ZFHX4: variants seen among roughly 807,000 people sequenced by gnomAD.
ZFHX4 encodes the protein zinc finger homeobox protein 4.
Under a neutral mutation model 267.6 loss-of-function variants are expected in ZFHX4, and 56 were observed. The ratio of observed to expected loss-of-function variants is 0.21; its 90% CI spans 0.17 to 0.26. ZFHX4 has a LOEUF of 0.26. Among genes scored for constraint, ZFHX4 ranks in the 10% least tolerant of loss-of-function variants. The probability of loss-of-function intolerance (pLI) is 1.00; values close to 1 mark genes in which losing one functional copy is unlikely to be tolerated. For synonymous variants in ZFHX4, 1,778 were observed against 1,665.6 expected (o/e 1.07, Z -1.64); for missense variants, 4,332 against 4,420.0 (o/e 0.98, Z 0.56).
At chr8:76,701,312 G>A (rs4735739) in intron 1 of ZFHX4, among the ~76,000 whole-genome samples, 6,460 of 152,092 alleles carry the variant, frequency 0.042, 310 homozygotes, top group East Asian at 0.24. Flanking sequence ...TAGAAGACAG[G>A]TATTTGACTT....
chr8:76,849,586 C>T lies in ZFHX4; in HGVS notation c.3720C>T (p.His1240=). The change falls in exon 8 of 11, where the codon CAC becomes CAT. Residue 1240 remains histidine, a synonymous_variant. Transcript: ENST00000651372. ...TCCAGATGCACGTCCTATCACAGCA[C>T]TCGGTGCAGCCGGTCATCTGCTGTC... ...SRIQMHVLSQ[H]SVQPVICCPL... is the part of the protein sequence containing the mutation. 1 of 1,613,980 alleles carries T rather than the reference C, an allele frequency of 6.2e-7. No individual in the cohort carries two copies. Among genetic ancestry groups the T allele is most frequent in the Non-Finnish European group, 8.5e-7 (1 of 1,179,874 alleles).
chr8:76,694,697 C>G (rs1220336545), intron 1 of ZFHX4, among the ~76,000 whole-genome samples: 2 of 122,800 alleles, frequency 1.6e-5, no homozygotes, highest in Non-Finnish European at 3.4e-5. Context: ...CTCCCGCCCC[C>G]GCCTCTGCCC....
chr8:76,855,610 G>C lies in ZFHX4; in HGVS notation c.8689G>C (p.Asp2897His). The part of the protein sequence containing the change: ...YITDDPDDNA[D>H]RSETSSIADP... Reference sequence around the variant, plus strand: ...CACAGATGACCCGGATGACAACGCCGACCGCAGCGAAACGTCCAGCATAGC... The same window carrying C: ...CACAGATGACCCGGATGACAACGCCCACCGCAGCGAAACGTCCAGCATAGC... Residue 2897 changes from aspartate (D) to histidine (H), a missense_variant, in exon 10 of 11, where the codon GAC becomes CAC. By Grantham distance (81) the Asp-to-His change is moderately conservative. This residue lies in a region of ZFHX4 where 1,648 missense variants were observed against 1,625.0 expected (regional missense o/e 1.01). Coordinates refer to ENST00000651372, the MANE Select transcript of ZFHX4 (RefSeq NM_024721.5). The C allele has an allele frequency of 6.2e-7, 1 of 1,613,698 alleles. No individual in the cohort carries two copies. Among genetic ancestry groups the C allele is most frequent in the East Asian group, 2.2e-5 (1 of 44,830 alleles).
intron 3 of ZFHX4, among the ~76,000 whole-genome samples, chr8:76,747,505 T>C (rs1809490967): frequency 6.6e-6 from 1 of 152,208 alleles, no homozygotes; most frequent in South Asian, 2.1e-4. Flanking sequence ...CCTAAATTTC[T>C]TGATTAAGGC....
chr8:76,844,523 G>T (rs1179765087), intron 6 of ZFHX4, among the ~76,000 whole-genome samples: 1 of 152,076 alleles, frequency 6.6e-6, no homozygotes, highest in African/African-American at 2.4e-5. Flanking sequence ...TAGCACAGAT[G>T]CCAAGGCTCT....
chr8:76,750,109 C>T (rs1225032087), intron 3 of ZFHX4, among the ~76,000 whole-genome samples: 1 of 152,072 alleles, frequency 6.6e-6, no homozygotes, highest in Non-Finnish European at 1.5e-5. Flanking sequence ...TGTTCTTAGG[C>T]TGTGTTGTTT....
chr8:76,753,519 A>C (rs1809677924), intron 3 of ZFHX4, among the ~76,000 whole-genome samples: 1 of 151,864 alleles, frequency 6.6e-6, no homozygotes, highest in Non-Finnish European at 1.5e-5. Flanking sequence ...CTTTTGCTAC[A>C]TCTCTCTGCC....
intron 3 of ZFHX4, among the ~76,000 whole-genome samples, chr8:76,734,317 A>G (rs1809101463): frequency 6.6e-6 from 1 of 152,174 alleles, no homozygotes; most frequent in East Asian, 1.9e-4. Flanking sequence ...AGGCCGTGAA[A>G]ACAAACAAAA....
intron 3 of ZFHX4, among the ~76,000 whole-genome samples, chr8:76,768,818 G>A (rs913905008): frequency 2.0e-5 from 3 of 152,136 alleles, no homozygotes; most frequent in South Asian, 2.1e-4. Context: ...AACAAAGAGA[G>A]AAAATGAAAT....
At chr8:76,772,660 A>G (rs1307867526) in intron 3 of ZFHX4, among the ~76,000 whole-genome samples, 1 of 152,122 alleles carries the variant, frequency 6.6e-6, no homozygotes, top group Non-Finnish European at 1.5e-5. Flanking sequence ...TGAACTAGGA[A>G]GGTTAATCTT....
Position 76,705,755 on chromosome 8 carries a change from G to A in ZFHX4, c.1667G>A (p.Gly556Asp), listed in dbSNP as rs761421468. 2.5e-6 allele frequency: 4 copies of A among 1,614,010 alleles called. No individual in the cohort carries two copies. The highest frequency in any genetic ancestry group is 1.1e-5 in the South Asian group (1 of 91,088). Residue 556 changes from glycine (G) to aspartate (D), a missense_variant, in exon 2 of 11, where the codon GGC becomes GAC. Physicochemically the swap from Gly to Asp is moderately conservative, Grantham distance 94. Around this residue, in one of 7 missense-constraint regions of ZFHX4, gnomAD observed 1,195 missense variants for 1,173.6 expected, o/e 1.02. Coordinates refer to ENST00000651372, the MANE Select transcript of ZFHX4 (RefSeq NM_024721.5). ...GSVASNYGIS[G>D]KDFADASASK... ...GTTGCTAGTAACTATGGCATCAGTG[G>A]CAAGGACTTTGCAGACGCAAGTGCC... is the stretch of plus-strand genomic sequence containing the variant.
intron 4 of ZFHX4, among the ~76,000 whole-genome samples, chr8:76,782,829 G>A (rs182022119): frequency 7.2e-5 from 11 of 151,990 alleles, no homozygotes; most frequent in South Asian, 4.2e-4. Context: ...AATCATAATC[G>A]TTTTTCATTG....
chr8:76,727,633 C>T (rs1319812633), intron 3 of ZFHX4, among the ~76,000 whole-genome samples: 1 of 152,158 alleles, frequency 6.6e-6, no homozygotes, highest in East Asian at 1.9e-4. Flanking sequence ...CTTGACAATT[C>T]ATAGTAGTCT....
At chr8:76,788,521 A>G (rs1443125708) in intron 4 of ZFHX4, among the ~76,000 whole-genome samples, 1 of 152,208 alleles carries the variant, frequency 6.6e-6, no homozygotes, top group African/African-American at 2.4e-5. Flanking sequence ...TGCTTCTAAT[A>G]ACATCATCCG....
intron 3 of ZFHX4, among the ~76,000 whole-genome samples, chr8:76,714,289 A>G (rs928161536): frequency 6.6e-6 from 1 of 152,168 alleles, no homozygotes; most frequent in Non-Finnish European, 1.5e-5. Context: ...TGAAAGTCAT[A>G]TGTTAACCAG....
rs758207120 is a variant in ZFHX4, at chr8:76,853,742, T to C, written c.6821T>C (p.Phe2274Ser). The C allele has an allele frequency of 6.2e-7, 1 of 1,613,698 alleles. No homozygotes were observed. ...NLPTRVIVVW[F>S]QNARQKARKS... ...CCTACCCGGGTTATTGTTGTATGGT[T>C]CCAGAATGCTCGTCAGAAAGCACGA... The change falls in exon 10 of 11, where the codon TTC becomes TCC. Residue 2274 changes from phenylalanine to serine, a missense_variant. Physicochemically the swap from Phe to Ser is radical, Grantham distance 155 (BLOSUM62 -2). Around this residue, in one of 7 missense-constraint regions of ZFHX4, gnomAD observed 62 missense variants for 69.8 expected, o/e 0.89. Transcript: ENST00000651372.
Position 76,849,138 on chromosome 8 carries a change from T to C in ZFHX4, c.3645+10T>C. On this transcript the variant is annotated intron_variant, in intron 7 of 10. Coordinates refer to ENST00000651372, the MANE Select transcript of ZFHX4 (RefSeq NM_024721.5). Reference sequence around the variant, plus strand: ...ATTCTGTCATGAACAGGTAAATACTTTTTTTCCCCTTTACTGTGTAAATCT... The same window carrying C: ...ATTCTGTCATGAACAGGTAAATACTCTTTTTCCCCTTTACTGTGTAAATCT... 6.5e-7 allele frequency: 1 copy of C among 1,542,600 alleles called. No individual in the cohort carries two copies. The highest frequency in any genetic ancestry group is 8.7e-7 in the Non-Finnish European group (1 of 1,144,586).
intron 4 of ZFHX4, among the ~76,000 whole-genome samples, chr8:76,831,313 G>A (rs2626351): frequency 0.56 from 85,293 of 151,994 alleles, 25,473 homozygotes; most frequent in African/African-American, 0.78. Context: ...ATGTGTATGT[G>A]GGGGTAGTGG....
Position 76,853,144 on chromosome 8 carries a change from C to G in ZFHX4, c.6223C>G (p.Leu2075Val). Residue 2075 changes from leucine (L) to valine (V), a missense_variant, in exon 10 of 11, where the codon CTG becomes GTG. Leu to Val is a conservative substitution (Grantham distance 32, BLOSUM62 1). Transcript: ENST00000651372. ...PQVQLPVSLD[L>V]PLFPSIMMQP... ...GGTCCAACTGCCGGTTTCTCTGGAC[C>G]TGCCGCTCTTTCCTTCCATTATGAT... The G allele has an allele frequency of 6.5e-7, 1 of 1,549,476 alleles. No homozygotes were observed. Among genetic ancestry groups the G allele is most frequent in the Non-Finnish European group, 8.7e-7 (1 of 1,146,354 alleles).
Sources: allele counts gnomAD v4.1 joint callset (sites outside exome capture counted in the v4.1 genomes callset), GRCh38; gene constraint gnomAD v4.1.1; regional missense constraint gnomAD v4.1.1; transcripts MANE v1.5; gene names NCBI Gene and HGNC (gene_info 2026-07-23, HGNC 2026-07-21).